The following GNA12 variants were observed in gnomAD, a reference collection of about 807,000 sequenced individuals.
The protein encoded by GNA12 is guanine nucleotide-binding protein subunit alpha-12.
A neutral mutation model predicts 26.0 loss-of-function variants in GNA12; 9 were observed. The observed-to-expected ratio is 0.35, with a 90% CI of 0.21 to 0.60. The LOEUF (loss-of-function observed/expected upper bound fraction) is 0.60. Among genes scored for constraint, GNA12 ranks in the 20% least tolerant of loss-of-function variants. The pLI is 0.78. For missense variants in GNA12, 405 were observed against 525.8 expected, an observed-to-expected ratio of 0.77 and a Z score of 2.25; for synonymous variants, 264 against 219.6, an observed-to-expected ratio of 1.20 and a Z score of -1.79.
intron 2 of GNA12, among the ~76,000 whole-genome samples, chr7:2,789,175 G>C (rs1269319242): frequency 7.3e-5 from 8 of 109,814 alleles, no homozygotes; most frequent in Non-Finnish European, 1.2e-4. Context: ...TCGCTCTGTC[G>C]CCCAGGCTGG....
chr7:2,826,391 A>C (rs1408661052), intron 1 of GNA12, among the ~76,000 whole-genome samples: 1 of 151,810 alleles, frequency 6.6e-6, no homozygotes, highest in African/African-American at 2.4e-5. Flanking sequence ...AAAAAAAAAA[A>C]AAAACCAACA....
chr7:2,794,956 G>C lies in GNA12; in HGVS notation c.497C>G (p.Ala166Gly). The C allele has an allele frequency of 1.2e-6, 2 of 1,614,124 alleles. No individual in the cohort carries two copies. The highest frequency in any genetic ancestry group is 1.7e-6 in the Non-Finnish European group (2 of 1,179,968). ...CTGAAACTCGCTTCTCCGGCTGAAA[G>C]CCTCCCTGATGCCAGAATCCCTCCA... is the stretch of plus-strand genomic sequence containing the variant. ...ALWRDSGIREAFSRRSEFQLG... is the reference protein window; with the variant it reads ...ALWRDSGIREGFSRRSEFQLG... The change falls in exon 2 of 4, where the codon GCT becomes GGT. Residue 166 changes from alanine to glycine, a missense_variant. By Grantham distance (60) the Ala-to-Gly change is moderately conservative. Transcript: ENST00000275364.
intron 1 of GNA12, among the ~76,000 whole-genome samples, chr7:2,842,123 GAAAAGAA>G (rs1267467099): frequency 2.0e-4 from 17 of 84,830 alleles, no homozygotes; most frequent in Middle Eastern, 5.1e-3. Flanking sequence ...AAGGGAGGAA[GAAAAGAA>G]AGGAAGGAAA....
At chr7:2,755,080 G>A (rs1056766660) in intron 2 of GNA12, among the ~76,000 whole-genome samples, 3 of 152,122 alleles carry the variant, frequency 2.0e-5, no homozygotes, top group Non-Finnish European at 2.9e-5. Flanking sequence ...GCAATCAGTC[G>A]GGCGTGCTGG....
intron 2 of GNA12, among the ~76,000 whole-genome samples, chr7:2,756,836 G>C (rs904389558): frequency 3.2e-4 from 49 of 152,332 alleles, no homozygotes; most frequent in African/African-American, 1.0e-3. Flanking sequence ...GGTGGCTCAT[G>C]CCAAGGTGGG....
At chr7:2,771,139 A>T (rs1300175905) in intron 2 of GNA12, among the ~76,000 whole-genome samples, 1 of 152,044 alleles carries the variant, frequency 6.6e-6, no homozygotes, top group Admixed American at 6.6e-5. Flanking sequence ...AAAAATACAA[A>T]AATTAGCCAG....
chr7:2,814,636 T>C (rs1475554552), intron 1 of GNA12, among the ~76,000 whole-genome samples: 23 of 24,892 alleles, frequency 9.2e-4, no homozygotes, highest in African/African-American at 2.1e-3. Context: ...TTTTCCTGCC[T>C]TTTTTTTTTT....
At chr7:2,774,316 T>C (rs1359601968) in intron 2 of GNA12, among the ~76,000 whole-genome samples, 2 of 152,202 alleles carry the variant, frequency 1.3e-5, no homozygotes, top group African/African-American at 4.8e-5. Flanking sequence ...AAACATTTTT[T>C]AAATGAAATA....
intron 2 of GNA12, among the ~76,000 whole-genome samples, chr7:2,740,989 G>A (rs1166725659): frequency 6.6e-6 from 1 of 152,210 alleles, no homozygotes; most frequent in East Asian, 1.9e-4. Flanking sequence ...AGCTTGCAGT[G>A]AGCTGAGATC....
chr7:2,815,151 AAAGC>A, intron 1 of GNA12: 1 of 633,166 alleles, frequency 1.6e-6, no homozygotes, highest in Non-Finnish European at 2.6e-6. Context: ...AGCAATACAA[AAAGC>A]AAGTGGACAG....
chr7:2,751,547 G>A (rs1031240657), intron 2 of GNA12, among the ~76,000 whole-genome samples: 2 of 152,074 alleles, frequency 1.3e-5, no homozygotes, highest in Non-Finnish European at 2.9e-5. Flanking sequence ...CAATGAAATG[G>A]AAAATGAATT....
At chr7:2,793,322 C>T (rs145203520) in intron 2 of GNA12, among the ~76,000 whole-genome samples, 1,766 of 145,960 alleles carry the variant, frequency 0.012, 35 homozygotes, top group African/African-American at 0.044. Flanking sequence ...GAGGAAGCAG[C>T]GGACAGGACG....
chr7:2,761,252 G>C (rs1483781519), intron 2 of GNA12, among the ~76,000 whole-genome samples: 1 of 152,118 alleles, frequency 6.6e-6, no homozygotes, highest in Non-Finnish European at 1.5e-5. Context: ...GGATGGCACA[G>C]TCCCCCTCTG....
chr7:2,762,901 G>A lies in GNA12; in HGVS notation c.526-29400C>T, dbSNP rs1313822953. On this transcript the variant is annotated intron_variant, in intron 2 of 3. Transcript: ENST00000275364. ...CTCGTGGAGCCATTGGTGCTGCGGC[G>A]GGGAGAAGAGGCCACAGGCGGGGAC... 13 of 1,421,580 alleles carry A rather than the reference G, an allele frequency of 9.1e-6. No homozygotes were observed. The East Asian group carries it at 2.7e-4, about 30-fold the overall frequency. The allele number at this position is 1,421,580 out of a possible 1,614,324, so 88.1% of individuals were successfully genotyped here. A position where few individuals can be genotyped will look rare whatever the true frequency, so the allele number is the denominator to read the frequency against.
At chr7:2,834,129 G>A (rs1182178) in intron 1 of GNA12, among the ~76,000 whole-genome samples, 37,795 of 152,128 alleles carry the variant, frequency 0.25, 5,258 homozygotes, top group Non-Finnish European at 0.3. Flanking sequence ...TGCGACTGCA[G>A]TCCAAAGAAA....
At chr7:2,818,511 C>A (rs1259092273) in intron 1 of GNA12, among the ~76,000 whole-genome samples, 1 of 152,146 alleles carries the variant, frequency 6.6e-6, no homozygotes, top group Non-Finnish European at 1.5e-5. Context: ...GCCTGTAATC[C>A]CAGCACTTTG....
At chr7:2,732,654 C>T (rs1381097397) in intron 3 of GNA12, among the ~76,000 whole-genome samples, 5 of 152,194 alleles carry the variant, frequency 3.3e-5, no homozygotes, top group African/African-American at 1.2e-4. Flanking sequence ...CGGACATGAT[C>T]ATGCCTCGAT....
At chr7:2,768,675 AACAAAAC>A (rs749392974) in intron 2 of GNA12, among the ~76,000 whole-genome samples, 2 of 142,230 alleles carry the variant, frequency 1.4e-5, no homozygotes, top group Non-Finnish European at 1.6e-5. Flanking sequence ...GTAAAAAAAA[AACAAAAC>A]AAAACAAAAA....
Position 2,741,785 on chromosome 7 carries a change from GC to G in GNA12, c.526-8285del, listed in dbSNP as rs1038099216. Among the ~76,000 whole-genome samples the G allele has an allele frequency of 2.2e-4, 34 of 151,384 alleles. 1 individual carries two copies. Among genetic ancestry groups the G allele is most frequent in the Admixed American group, 2.6e-4 (4 of 15,114 alleles). On this transcript the variant is annotated intron_variant, in intron 2 of 3. Transcript: ENST00000275364. ...GTATGTCCTAAGAATGAGGACACCT[GC>G]TTCTACAACCACGGCAACTTCAGGT...
Sources: allele counts gnomAD v4.1 joint callset (sites outside exome capture counted in the v4.1 genomes callset), GRCh38; gene constraint gnomAD v4.1.1; transcripts MANE v1.5; gene names NCBI Gene and HGNC (gene_info 2026-07-23, HGNC 2026-07-21).